SYNDIG1: variants seen among roughly 807,000 people sequenced by gnomAD.
SYNDIG1 encodes the protein synapse differentiation inducing 1.
Under a neutral mutation model 19.4 loss-of-function variants are expected in SYNDIG1, and 9 were observed. That is an observed-to-expected ratio of 0.46 (90% CI 0.28 to 0.81). The LOEUF is 0.81. Ranked by LOEUF, SYNDIG1 falls within the 30% of genes least tolerant of loss-of-function variation. SYNDIG1 has a pLI of 0.12. For synonymous variants in SYNDIG1, 141 were observed against 145.9 expected (o/e 0.97, Z 0.24); for missense variants, 311 against 343.3 (o/e 0.91, Z 0.74).
At chr20:24,569,997 C>A (rs1270080210) in intron 2 of SYNDIG1, among the ~76,000 whole-genome samples, 1 of 152,168 alleles carries the variant, frequency 6.6e-6, no homozygotes, top group Non-Finnish European at 1.5e-5. Context: ...CTTCTCTGCA[C>A]CATTTGTTGA....
intron 3 of SYNDIG1, among the ~76,000 whole-genome samples, chr20:24,607,983 C>T (rs1270607794): frequency 6.6e-6 from 1 of 152,138 alleles, no homozygotes; most frequent in African/African-American, 2.4e-5. Flanking sequence ...ATGAGATCCT[C>T]TTATGAAACA....
chr20:24,550,511 G>A (rs1028001542), intron 2 of SYNDIG1, among the ~76,000 whole-genome samples: 6 of 101,684 alleles, frequency 5.9e-5, no homozygotes, highest in Non-Finnish European at 1.1e-4. Flanking sequence ...TACGTTAACT[G>A]CTTTTTTTTT....
chr20:24,520,634 A>C (rs2146537623), intron 1 of SYNDIG1, among the ~76,000 whole-genome samples: 1 of 152,040 alleles, frequency 6.6e-6, no homozygotes, highest in Non-Finnish European at 1.5e-5. Flanking sequence ...CAGAGGTTGC[A>C]GTGAGCTGAG....
At chr20:24,550,260 C>T (rs1382771434) in intron 2 of SYNDIG1, among the ~76,000 whole-genome samples, 1 of 152,174 alleles carries the variant, frequency 6.6e-6, no homozygotes, top group Non-Finnish European at 1.5e-5. Context: ...AATCCCATAT[C>T]TTGGATATTG....
chr20:24,524,040 T>C (rs1600517140), intron 1 of SYNDIG1, among the ~76,000 whole-genome samples: 1 of 152,372 alleles, frequency 6.6e-6, no homozygotes, highest in African/African-American at 2.4e-5. Flanking sequence ...CAGGCTGCTG[T>C]GAGCTACATC....
At chr20:24,501,959 A>C (rs541395826) in intron 1 of SYNDIG1, among the ~76,000 whole-genome samples, 2 of 152,334 alleles carry the variant, frequency 1.3e-5, no homozygotes, top group South Asian at 4.1e-4. Context: ...TGCCCATGCC[A>C]GGGCAAGCTA....
At chr20:24,612,798 A>G (rs1281952628) in intron 3 of SYNDIG1, among the ~76,000 whole-genome samples, 11 of 152,222 alleles carry the variant, frequency 7.2e-5, no homozygotes, top group Non-Finnish European at 1.6e-4. Flanking sequence ...TCCTGGATCT[A>G]GAAACATCAC....
At chr20:24,641,649 G>A (rs545713152) in intron 3 of SYNDIG1, among the ~76,000 whole-genome samples, 11 of 152,274 alleles carry the variant, frequency 7.2e-5, no homozygotes, top group African/African-American at 1.2e-4. Context: ...GTAACAGGAC[G>A]TAAACTAGTT....
In SYNDIG1 at chr20:24,610,830, G is replaced by A. The variant is rs534110474; in HGVS notation, c.618+25837G>A. Among the ~76,000 whole-genome samples the A allele has an allele frequency of 5.3e-5, 8 of 152,230 alleles. No homozygotes were observed. In the East Asian group the frequency reaches 7.8e-4, roughly 15 times the overall value. On this transcript the variant is annotated intron_variant, in intron 3 of 3. Transcript: ENST00000376862. ...TTTGCTTGGTGCTGCCCAGGAAGACGGAGATGGATCCACAGGAGGAAGCCA... is the reference window on the plus strand; with the variant it reads ...TTTGCTTGGTGCTGCCCAGGAAGACAGAGATGGATCCACAGGAGGAAGCCA...
chr20:24,505,934 T>C (rs914944509), intron 1 of SYNDIG1, among the ~76,000 whole-genome samples: 4 of 152,340 alleles, frequency 2.6e-5, no homozygotes, highest in East Asian at 1.9e-4. Flanking sequence ...GATGCAGTCA[T>C]GAAAACAACA....
intron 1 of SYNDIG1, among the ~76,000 whole-genome samples, chr20:24,540,413 A>T (rs2057446065): frequency 6.6e-6 from 1 of 152,044 alleles, no homozygotes; most frequent in South Asian, 2.1e-4. Flanking sequence ...TTTTTAGTAC[A>T]GTGTTCAATA....
At chr20:24,654,890 A>C (rs1434981332) in intron 3 of SYNDIG1, among the ~76,000 whole-genome samples, 2 of 152,232 alleles carry the variant, frequency 1.3e-5, no homozygotes, top group Non-Finnish European at 1.5e-5. Context: ...CAGAAGTCCA[A>C]GGAAAAAAAT....
intron 2 of SYNDIG1, among the ~76,000 whole-genome samples, chr20:24,554,231 T>C (rs2057765683): frequency 6.6e-6 from 1 of 152,196 alleles, no homozygotes; most frequent in African/African-American, 2.4e-5. Flanking sequence ...TTTCTAGATA[T>C]ACAATCATGT....
chr20:24,560,026 T>G (rs35504030), intron 2 of SYNDIG1, among the ~76,000 whole-genome samples: 1 of 129,748 alleles, frequency 7.7e-6, no homozygotes, highest in Admixed American at 8.4e-5. Flanking sequence ...ATTATTTCTT[T>G]GACTTTTTTT....
intron 1 of SYNDIG1, among the ~76,000 whole-genome samples, chr20:24,490,652 T>G (rs1044259426): frequency 6.6e-6 from 1 of 152,200 alleles, no homozygotes; most frequent in Non-Finnish European, 1.5e-5. Flanking sequence ...AGATGTGCAG[T>G]GCTCAGCAGG....
intron 1 of SYNDIG1, among the ~76,000 whole-genome samples, chr20:24,522,641 C>T (rs2057029392): frequency 6.6e-6 from 1 of 152,118 alleles, no homozygotes; most frequent in Non-Finnish European, 1.5e-5. Context: ...CTCTCTTCCC[C>T]ATTGGCCTTC....
At chr20:24,607,483 G>A (rs1005199178) in intron 3 of SYNDIG1, among the ~76,000 whole-genome samples, 5 of 152,212 alleles carry the variant, frequency 3.3e-5, no homozygotes, top group Non-Finnish European at 7.3e-5. Flanking sequence ...TGATTCACCC[G>A]GGCTGCTGGG....
intron 2 of SYNDIG1, among the ~76,000 whole-genome samples, chr20:24,578,583 G>T (rs1247733598): frequency 6.6e-6 from 1 of 152,244 alleles, no homozygotes; most frequent in Non-Finnish European, 1.5e-5. Flanking sequence ...TGGCAGCTTT[G>T]CAGCTATGTA....
chr20:24,665,199 C>A, intron 3 of SYNDIG1, 147 bp from the exon 4 acceptor site: 1 of 955,082 alleles, frequency 1.0e-6, no homozygotes, highest in Non-Finnish European at 1.5e-6. Flanking sequence ...CTGCCCTGGT[C>A]ATAGCAGGGG....
Sources: gnomAD v4.1 joint callset for allele counts (sites outside exome capture counted in the v4.1 genomes callset) on GRCh38, gnomAD v4.1.1 for gene constraint, MANE v1.5 for transcripts, NCBI Gene and HGNC (gene_info 2026-07-23, HGNC 2026-07-21) for gene names.